IQGAP1: variants seen among roughly 807,000 people sequenced by gnomAD.
IQGAP1 encodes the protein ras GTPase-activating-like protein IQGAP1.
In IQGAP1, 66 loss-of-function variants were observed where a neutral mutation model predicts 215.6. The observed-to-expected ratio is 0.31, with a 90% CI of 0.25 to 0.38. The LOEUF (loss-of-function observed/expected upper bound fraction) is 0.38. IQGAP1 is among the 10% of genes least tolerant of loss of function. The pLI is 1.00. For missense variants in IQGAP1, 1,712 were observed against 1,997.1 expected (o/e 0.86, Z 2.72); for synonymous variants, 772 against 728.7 (o/e 1.06, Z -0.96).
intron 32 of IQGAP1, 102 bp from the exon 33 acceptor site, chr15:90,487,393 T>A (rs538866846): frequency 2.4e-4 from 196 of 826,092 alleles, no homozygotes; most frequent in Non-Finnish European, 3.4e-4. Flanking sequence ...TTGGGACTTC[T>A]GTGAGGTACT....
chr15:90,406,452 C>T (rs898476151), intron 2 of IQGAP1, among the ~76,000 whole-genome samples: 3 of 152,214 alleles, frequency 2.0e-5, no homozygotes, highest in Non-Finnish European at 2.9e-5. Flanking sequence ...CGTGAGCCAC[C>T]GTGCCCGGCC....
chr15:90,489,062 G>A (rs939596687), intron 33 of IQGAP1, among the ~76,000 whole-genome samples: 4 of 151,906 alleles, frequency 2.6e-5, no homozygotes, highest in Non-Finnish European at 2.9e-5. Context: ...GGGGTGGGCA[G>A]ATGGTTGGGT....
At chr15:90,467,314 C>G in intron 17 of IQGAP1, 136 bp from the exon 18 acceptor site, 1 of 780,576 alleles carries the variant, frequency 1.3e-6, no homozygotes, top group Non-Finnish European at 1.9e-6. Context: ...CCCCTTTACT[C>G]TCACAGATCC....
intron 2 of IQGAP1, among the ~76,000 whole-genome samples, chr15:90,405,470 C>T (rs192699651): frequency 6.6e-6 from 1 of 152,282 alleles, no homozygotes; most frequent in South Asian, 2.1e-4. Flanking sequence ...ATAATTTATT[C>T]TTTGTGTAAA....
intron 5 of IQGAP1, among the ~76,000 whole-genome samples, chr15:90,438,481 G>C (rs1337568214): frequency 6.6e-6 from 1 of 151,978 alleles, no homozygotes; most frequent in Non-Finnish European, 1.5e-5. Context: ...AGTTTAAAAA[G>C]TAAAAATAAT....
At chr15:90,476,640 T>C (rs763228346) in intron 23 of IQGAP1, 23 bp from the exon 24 acceptor site, 1 of 1,534,742 alleles carries the variant, frequency 6.5e-7, no homozygotes, top group East Asian at 2.3e-5. Flanking sequence ...CTTTCTGATC[T>C]ATTTATTGGT....
intron 23 of IQGAP1, 122 bp from the exon 24 acceptor site, chr15:90,476,541 G>T: frequency 1.7e-6 from 1 of 594,076 alleles, no homozygotes; most frequent in Non-Finnish European, 2.9e-6. Flanking sequence ...TAAATATTCA[G>T]TGGGAATCTG....
intron 26 of IQGAP1, among the ~76,000 whole-genome samples, chr15:90,480,641 AG>A (rs1304290899): frequency 1.3e-5 from 2 of 152,148 alleles, no homozygotes; most frequent in African/African-American, 4.8e-5. Context: ...ACAAATGAAG[AG>A]GGGTATCCCT....
At chr15:90,390,280 A>G (rs1480013400) in intron 1 of IQGAP1, among the ~76,000 whole-genome samples, 3 of 152,196 alleles carry the variant, frequency 2.0e-5, no homozygotes, top group Non-Finnish European at 2.9e-5. Context: ...CTTATTTGCC[A>G]TGGGGCTGAG....
At chr15:90,481,269 C>CTTTTTTTTTTTTTT (rs57452745) in intron 26 of IQGAP1, among the ~76,000 whole-genome samples, 4 of 113,182 alleles carry the variant, frequency 3.5e-5, no homozygotes, top group African/African-American at 1.3e-4. Flanking sequence ...CTCTCTGCCT[C>CTTTTTTTTTTTTTT]TTTTTTTTTT....
intron 11 of IQGAP1, 96 bp from the exon 12 acceptor site, chr15:90,452,679 C>A: frequency 2.9e-6 from 4 of 1,378,084 alleles, no homozygotes; most frequent in African/African-American, 1.4e-5. Flanking sequence ...TGGCTGATAG[C>A]CACAGAATGT....
chr15:90,399,114 CCTAA>C (rs1054741428), intron 2 of IQGAP1, among the ~76,000 whole-genome samples: 20 of 151,618 alleles, frequency 1.3e-4, no homozygotes, highest in African/African-American at 4.8e-4. Context: ...CTTCACCTCA[CCTAA>C]CTAATTAAAA....
At chr15:90,493,503 G>GAGCATGCA (rs1380319038) in intron 35 of IQGAP1, among the ~76,000 whole-genome samples, 2 of 152,210 alleles carry the variant, frequency 1.3e-5, no homozygotes, top group Non-Finnish European at 2.9e-5. Context: ...TGGGTGATAA[G>GAGCATGCA]AGCAGGTTTT....
At position 90,474,497 on chromosome 15, in the gene IQGAP1, A is replaced by C; in HGVS notation, c.2588A>C (p.Asp863Ala). 6.2e-7 allele frequency: 1 copy of C among 1,613,784 alleles called. No individual in the cohort carries two copies. The highest frequency in any genetic ancestry group is 8.5e-7 in the Non-Finnish European group (1 of 1,179,662). ...DDYKTLINAE[D>A]PPMVVVRKFV... ...TACTTTCTGTCAGTCAATGCTGAGG[A>C]TCCTCCTATGGTTGTGGTCCGAAAA... The change falls in exon 23 of 38, where the codon GAT becomes GCT. Residue 863 changes from aspartate to alanine, a missense_variant. Asp to Ala is a moderately radical substitution (Grantham distance 126, BLOSUM62 -2). This residue lies in a region of IQGAP1 where 1,021 missense variants were observed against 1,074.2 expected (regional missense o/e 0.95). Coordinates refer to ENST00000268182, the MANE Select transcript of IQGAP1 (RefSeq NM_003870.4).
chr15:90,458,497 C>T (rs1028393028), intron 15 of IQGAP1, among the ~76,000 whole-genome samples: 1 of 152,138 alleles, frequency 6.6e-6, no homozygotes, highest in Non-Finnish European at 1.5e-5. Context: ...TCCCTTTGGA[C>T]TTTCTTAGCA....
chr15:90,420,905 C>A (rs1208982987), intron 2 of IQGAP1, among the ~76,000 whole-genome samples: 2 of 152,202 alleles, frequency 1.3e-5, no homozygotes, highest in Non-Finnish European at 2.9e-5. Flanking sequence ...ATAATCCCAG[C>A]ACTTTGGGAG....
At chr15:90,479,456 C>T (rs993379804) in intron 26 of IQGAP1, among the ~76,000 whole-genome samples, 3 of 151,704 alleles carry the variant, frequency 2.0e-5, no homozygotes, top group Admixed American at 2.0e-4. Flanking sequence ...GGGCTTATCT[C>T]ACCAGCCATG....
chr15:90,481,019 C>G (rs537364112), intron 26 of IQGAP1, among the ~76,000 whole-genome samples: 1 of 152,248 alleles, frequency 6.6e-6, no homozygotes, highest in African/African-American at 2.4e-5. Flanking sequence ...AATTGGGTGG[C>G]TTAAAACAAC....
At chr15:90,470,452 T>C (rs541707918) in intron 18 of IQGAP1, among the ~76,000 whole-genome samples, 1 of 152,214 alleles carries the variant, frequency 6.6e-6, no homozygotes, top group East Asian at 1.9e-4. Flanking sequence ...TGAGAAAATC[T>C]GTTTCTGACA....
Sources: gnomAD v4.1 joint callset for allele counts (sites outside exome capture counted in the v4.1 genomes callset) on GRCh38, gnomAD v4.1.1 for gene constraint, gnomAD v4.1.1 regional missense constraint, MANE v1.5 for transcripts, NCBI Gene and HGNC (gene_info 2026-07-23, HGNC 2026-07-21) for gene names.